Variants in RIC3 observed in about 807,000 individuals in gnomAD.
RIC3 encodes RIC3 acetylcholine receptor chaperone.
Under a neutral mutation model 27.3 loss-of-function variants are expected in RIC3, and 28 were observed. That is an observed-to-expected ratio of 1.02 (90% CI 0.76 to 1.41). RIC3 has a LOEUF of 1.41. RIC3 is among the 40% of genes most tolerant of loss of function. The pLI, the probability that RIC3 is intolerant of heterozygous loss-of-function variation, is 0.00. For synonymous variants in RIC3, 184 were observed against 160.4 expected, an observed-to-expected ratio of 1.15 and a Z score of -1.11; for missense variants, 501 against 444.7, an observed-to-expected ratio of 1.13 and a Z score of -1.14.
chr11:8,127,321 AG>A (rs1433336726), intron 4 of RIC3, among the ~76,000 whole-genome samples: 4 of 152,204 alleles, frequency 2.6e-5, no homozygotes, highest in Admixed American at 2.6e-4. Context: ...AAAATTTCAG[AG>A]GTGGGTGATT....
chr11:8,154,291 T>C (rs1167789028), intron 1 of RIC3, among the ~76,000 whole-genome samples: 1 of 152,228 alleles, frequency 6.6e-6, no homozygotes, highest in East Asian at 1.9e-4. Flanking sequence ...GCTTTTAGAT[T>C]TTATTGCATT....
intron 5 of RIC3, among the ~76,000 whole-genome samples, chr11:8,114,039 C>T (rs1439876827): frequency 6.6e-6 from 1 of 152,134 alleles, no homozygotes; most frequent in Non-Finnish European, 1.5e-5. Flanking sequence ...AACCCCAACC[C>T]CACGGACTCA....
intron 5 of RIC3, 44 bp from the exon 6 acceptor site, chr11:8,111,181 CAAAA>C (rs56271449): frequency 1.0e-5 from 11 of 1,065,176 alleles, no homozygotes; most frequent in Middle Eastern, 2.9e-4. Context: ...AATGTCTCCT[CAAAA>C]AAAAAAAAAA....
At chr11:8,138,163 G>T in intron 3 of RIC3, 109 bp downstream of exon 3, 2 of 724,024 alleles carry the variant, frequency 2.8e-6, no homozygotes, top group Non-Finnish European at 4.5e-6. Context: ...AGATTAATTT[G>T]GAGCAACTTT....
chr11:8,151,578 T>C (rs1040266913), intron 1 of RIC3, among the ~76,000 whole-genome samples: 6 of 43,882 alleles, frequency 1.4e-4, no homozygotes, highest in African/African-American at 1.1e-3. Flanking sequence ...AGAGTGAAAC[T>C]CCGTCTCAAA....
intron 5 of RIC3, among the ~76,000 whole-genome samples, chr11:8,116,727 T>A (rs1373409534): frequency 4.6e-5 from 7 of 152,190 alleles, no homozygotes; most frequent in Non-Finnish European, 5.9e-5. Context: ...TCTGTTAGAA[T>A]GGCTATTATC....
chr11:8,168,294 A>G (rs1951917021), intron 1 of RIC3, among the ~76,000 whole-genome samples: 1 of 152,210 alleles, frequency 6.6e-6, no homozygotes. Context: ...GAACGTAATA[A>G]TTTGTTCATA....
At chr11:8,122,186 A>T (rs1288278049) in intron 5 of RIC3, among the ~76,000 whole-genome samples, 1 of 152,204 alleles carries the variant, frequency 6.6e-6, no homozygotes, top group Non-Finnish European at 1.5e-5. Context: ...AGTATACAGA[A>T]CATTTTCCAT....
chr11:8,168,545 G>C (rs999857776), intron 1 of RIC3, among the ~76,000 whole-genome samples: 1 of 152,150 alleles, frequency 6.6e-6, no homozygotes, highest in Admixed American at 6.5e-5. Context: ...TGAACAAATG[G>C]TGACGAGATG....
the RIC3 span, chr11:8,096,875 G>A: frequency 3.8e-6 from 6 of 1,558,522 alleles, no homozygotes; most frequent in Non-Finnish European, 5.3e-6. Flanking sequence ...TGGACTGCAT[G>A]TGAAGAGATG....
At chr11:8,149,638 G>A (rs777603005) in intron 1 of RIC3, among the ~76,000 whole-genome samples, 1 of 152,124 alleles carries the variant, frequency 6.6e-6, no homozygotes. Flanking sequence ...GAAAGGATAG[G>A]TCTATAAACT....
intron 5 of RIC3, among the ~76,000 whole-genome samples, chr11:8,122,927 A>G (rs971977397): frequency 1.3e-5 from 2 of 151,830 alleles, no homozygotes; most frequent in African/African-American, 4.8e-5. Flanking sequence ...ATTAGTCAAC[A>G]GAAACATTCC....
chr11:8,148,313 C>A (rs780079333), intron 1 of RIC3, among the ~76,000 whole-genome samples: 14 of 152,076 alleles, frequency 9.2e-5, no homozygotes, highest in Non-Finnish European at 1.3e-4. Context: ...GTGACTATGC[C>A]CCTTTTAAAT....
Position 8,110,472 on chromosome 11 carries a change from G to A in RIC3, c.*226C>T, listed in dbSNP as rs1945113867. On this transcript the variant is annotated 3_prime_UTR_variant, in exon 6 of 6. Coordinates refer to ENST00000309737, the MANE Select transcript of RIC3 (RefSeq NM_001206671.4). Reference sequence around the variant, plus strand: ...CAACTTCTCTGATAGAGGAAAGGCAGGAAGAGAAAGAGCGAAGCTGTCCTG... The same window carrying A: ...CAACTTCTCTGATAGAGGAAAGGCAAGAAGAGAAAGAGCGAAGCTGTCCTG... 3.3e-6 allele frequency: 2 copies of A among 611,348 alleles called. No individual in the cohort carries two copies. Among genetic ancestry groups the A allele is most frequent in the East Asian group, 5.7e-5 (2 of 35,332 alleles). 37.9% of individuals were successfully genotyped at this position (611,348 alleles called of 1,614,324 possible).
intron 4 of RIC3, among the ~76,000 whole-genome samples, chr11:8,129,770 G>C (rs1368824481): frequency 2.6e-5 from 4 of 152,206 alleles, no homozygotes; most frequent in African/African-American, 9.7e-5. Flanking sequence ...TACTGCAGCA[G>C]AGTCTGATAT....
intron 5 of RIC3, among the ~76,000 whole-genome samples, chr11:8,122,257 C>T (rs936028569): frequency 6.6e-6 from 1 of 152,162 alleles, no homozygotes; most frequent in Non-Finnish European, 1.5e-5. Context: ...TACTCCTATT[C>T]CCCTCTTAAC....
At chr11:8,155,467 T>G (rs2134183418) in intron 1 of RIC3, among the ~76,000 whole-genome samples, 1 of 152,068 alleles carries the variant, frequency 6.6e-6, no homozygotes, top group East Asian at 1.9e-4. Context: ...TCCCAGCTAC[T>G]CGGGAAGCTA....
intron 1 of RIC3, among the ~76,000 whole-genome samples, chr11:8,154,892 G>C (rs1950540959): frequency 6.6e-6 from 1 of 152,044 alleles, no homozygotes; most frequent in Non-Finnish European, 1.5e-5. Context: ...CTGTAAAAGG[G>C]AACATGACTA....
Position 8,108,815 on chromosome 11 carries a change from C to G in RIC3, c.*1883G>C, listed in dbSNP as rs186235384. On this transcript the variant is annotated 3_prime_UTR_variant, in exon 6 of 6. Coordinates refer to ENST00000309737, the MANE Select transcript of RIC3 (RefSeq NM_001206671.4). The stretch of plus-strand genomic sequence containing the variant: ...AATGAATGAATGAGCTAGAAGAGAA[C>G]AGCAGTATTTATCTCTAATAAGGGA... 1.1e-4 allele frequency: 16 copies of G among 152,328 alleles called. No individual in the cohort carries two copies. The highest frequency in any genetic ancestry group is 3.6e-4 in the African/African-American group (15 of 41,564). The allele number at this position is 152,328 out of a possible 1,614,324, so 9.4% of individuals were successfully genotyped here.
Sources: allele counts gnomAD v4.1 joint callset (sites outside exome capture counted in the v4.1 genomes callset), GRCh38; gene constraint gnomAD v4.1.1; transcripts MANE v1.5; gene names NCBI Gene and HGNC (gene_info 2026-07-23, HGNC 2026-07-21).